Variants in CERS6 observed in about 807,000 individuals in gnomAD.
CERS6 encodes ceramide synthase 6, also known as LAG1 homolog, ceramide synthase 6.
Under a neutral mutation model 56.8 loss-of-function variants are expected in CERS6, and 26 were observed. The observed-to-expected ratio is 0.46, with a 90% CI of 0.34 to 0.63. The LOEUF is 0.63. Among genes scored for constraint, CERS6 ranks in the 30% least tolerant of loss-of-function variants. CERS6 has a pLI of 0.01. For synonymous variants in CERS6, 164 were observed against 173.3 expected (o/e 0.95, Z 0.42); for missense variants, 415 against 467.5 (o/e 0.89, Z 1.04).
chr2:168,733,872 T>C (rs995387648), intron 8 of CERS6, among the ~76,000 whole-genome samples: 1 of 118,252 alleles, frequency 8.5e-6, no homozygotes, highest in South Asian at 3.3e-4. Context: ...TTCTCAGGCC[T>C]TCTCTTGAAC....
At chr2:168,691,124 G>T in intron 5 of CERS6, 40 bp downstream of exon 5, 1 of 1,578,702 alleles carries the variant, frequency 6.3e-7, no homozygotes. Flanking sequence ...CACACATTAA[G>T]TATCTACCTT....
intron 7 of CERS6, 108 bp downstream of exon 7, chr2:168,715,237 A>C (rs1286980849): frequency 1.2e-6 from 1 of 840,212 alleles, no homozygotes. Flanking sequence ...TACAATAGTA[A>C]ATAACTACAT....
rs150724635 is a variant in CERS6, at chr2:168,520,598, C to CTTTT, written c.171-26972_171-26969dup. Among the ~76,000 whole-genome samples, 74 of 57,890 alleles carry CTTTT rather than the reference C, an allele frequency of 1.3e-3. 12 individuals carry two copies. The highest frequency in any genetic ancestry group is 0.019 in the Middle Eastern group (1 of 54). 38.0% of individuals were successfully genotyped at this position (57,890 alleles called of 152,430 possible). ...TTAACTCTTTAACATTTACAATATC[C>CTTTT]TTTTTTTTTTTTTTTTTTTTTTTTT... On this transcript the variant is annotated intron_variant, in intron 1 of 9. Coordinates refer to ENST00000305747, the MANE Select transcript of CERS6 (RefSeq NM_203463.3).
At chr2:168,765,053 A>G (rs1459315390) in intron 8 of CERS6, among the ~76,000 whole-genome samples, 2 of 152,260 alleles carry the variant, frequency 1.3e-5, no homozygotes, top group East Asian at 1.9e-4. Context: ...ATTCTGACAC[A>G]TGCCACAACA....
At chr2:168,625,610 T>C (rs1684572528) in intron 3 of CERS6, among the ~76,000 whole-genome samples, 1 of 152,108 alleles carries the variant, frequency 6.6e-6, no homozygotes, top group African/African-American at 2.4e-5. Flanking sequence ...GTGGCTGTAA[T>C]CAAAGAGAAG....
intron 3 of CERS6, among the ~76,000 whole-genome samples, chr2:168,619,200 AAACTC>A (rs1334642718): frequency 6.6e-6 from 1 of 152,246 alleles, no homozygotes; most frequent in African/African-American, 2.4e-5. Context: ...CTCATCTACA[AAACTC>A]AATTCAAGAT....
intron 1 of CERS6, among the ~76,000 whole-genome samples, chr2:168,507,198 C>A (rs1471953340): frequency 1.3e-5 from 2 of 152,124 alleles, no homozygotes; most frequent in Non-Finnish European, 2.9e-5. Context: ...ATACAACACT[C>A]CAAATCAGGA....
intron 4 of CERS6, among the ~76,000 whole-genome samples, chr2:168,682,595 G>C (rs554031089): frequency 6.6e-6 from 1 of 152,216 alleles, no homozygotes; most frequent in East Asian, 1.9e-4. Flanking sequence ...CCATATTTCT[G>C]CTCTTTCTCC....
At chr2:168,648,039 G>C (rs1228173891) in intron 4 of CERS6, among the ~76,000 whole-genome samples, 1 of 152,104 alleles carries the variant, frequency 6.6e-6, no homozygotes, top group African/African-American at 2.4e-5. Context: ...ATTGACATGG[G>C]GGAAGAGTTT....
chr2:168,712,731 C>T (rs1478821651), intron 6 of CERS6, among the ~76,000 whole-genome samples: 1 of 152,190 alleles, frequency 6.6e-6, no homozygotes. Flanking sequence ...TGACTCCAGC[C>T]ACACTCACCT....
At chr2:168,531,613 G>T (rs1695167889) in intron 1 of CERS6, among the ~76,000 whole-genome samples, 1 of 152,150 alleles carries the variant, frequency 6.6e-6, no homozygotes. Context: ...CCTGAGCTCA[G>T]GAGTTTGAGA....
chr2:168,520,577 C>T (rs1156368466), intron 1 of CERS6, among the ~76,000 whole-genome samples: 1 of 122,838 alleles, frequency 8.1e-6, no homozygotes, highest in Admixed American at 8.4e-5. Context: ...TTACATTTAA[C>T]TCTTTAACAT....
At chr2:168,723,303 GC>G (rs929705060) in intron 8 of CERS6, among the ~76,000 whole-genome samples, 6 of 152,118 alleles carry the variant, frequency 3.9e-5, no homozygotes, top group African/African-American at 1.4e-4. Flanking sequence ...AGAGAGTTCT[GC>G]CCCAGGCTGT....
intron 3 of CERS6, among the ~76,000 whole-genome samples, chr2:168,599,878 G>T (rs752417709): frequency 1.2e-4 from 19 of 152,188 alleles, no homozygotes; most frequent in Non-Finnish European, 2.4e-4. Context: ...CCTTCAAGGA[G>T]GTTGATACAC....
intron 8 of CERS6, among the ~76,000 whole-genome samples, chr2:168,747,271 G>T (rs888165137): frequency 6.7e-6 from 1 of 149,070 alleles, no homozygotes; most frequent in African/African-American, 2.5e-5. Flanking sequence ...GGGCAATGGA[G>T]TGAGACCCTG....
chr2:168,675,162 C>T (rs1296894548), intron 4 of CERS6, among the ~76,000 whole-genome samples: 4 of 151,876 alleles, frequency 2.6e-5, no homozygotes, highest in East Asian at 1.9e-4. Context: ...TTAGTAGAGA[C>T]GGGGTTTCAC....
At chr2:168,580,321 T>C (rs999344840) in intron 3 of CERS6, among the ~76,000 whole-genome samples, 8 of 152,224 alleles carry the variant, frequency 5.3e-5, no homozygotes, top group African/African-American at 1.9e-4. Flanking sequence ...TTGACTTGAT[T>C]CCATTTTCCC....
intron 3 of CERS6, among the ~76,000 whole-genome samples, chr2:168,608,883 T>A (rs2105270958): frequency 6.6e-6 from 1 of 152,296 alleles, no homozygotes; most frequent in South Asian, 2.1e-4. Context: ...ATAGAAGAGA[T>A]TTCCAATATT....
At chr2:168,666,839 A>G (rs1559043399) in intron 4 of CERS6, among the ~76,000 whole-genome samples, 1 of 152,204 alleles carries the variant, frequency 6.6e-6, no homozygotes, top group Non-Finnish European at 1.5e-5. Context: ...GCTGTGTATA[A>G]AAGGCCTGAG....
Sources: gnomAD v4.1 joint callset for allele counts (sites outside exome capture counted in the v4.1 genomes callset) on GRCh38, gnomAD v4.1.1 for gene constraint, MANE v1.5 for transcripts, NCBI Gene and HGNC (gene_info 2026-07-23, HGNC 2026-07-21) for gene names.